NT5E: variants seen among roughly 807,000 people sequenced by gnomAD.
The protein encoded by NT5E is 5'-nucleotidase ecto, also known as 5'-nucleotidase.
Under a neutral mutation model 55.1 loss-of-function variants are expected in NT5E, and 53 were observed. The ratio of observed to expected loss-of-function variants is 0.96; its 90% CI spans 0.77 to 1.21. The LOEUF (loss-of-function observed/expected upper bound fraction) is 1.21, where lower values mean the gene tolerates loss of function less well. Ranked by LOEUF, NT5E falls within the 50% of genes most tolerant of loss-of-function variation. NT5E has a pLI of 0.00. For missense variants in NT5E, 683 were observed against 724.3 expected (o/e 0.94, Z 0.65); for synonymous variants, 270 against 278.4 (o/e 0.97, Z 0.30).
chr6:85,482,895 A>G (rs539350615), intron 3 of NT5E, among the ~76,000 whole-genome samples: 6 of 152,318 alleles, frequency 3.9e-5, no homozygotes, highest in Admixed American at 3.3e-4. Context: ...TCAGCTGTGG[A>G]GGAGGCAGAG....
intron 1 of NT5E, among the ~76,000 whole-genome samples, chr6:85,465,112 T>C (rs554710792): frequency 2.1e-4 from 32 of 152,140 alleles, no homozygotes; most frequent in Non-Finnish European, 4.0e-4. Flanking sequence ...TCCCACCACA[T>C]TGAGCACCAT....
intron 4 of NT5E, 52 bp downstream of exon 4, chr6:85,485,484 A>G (rs758309609): frequency 6.4e-7 from 1 of 1,559,090 alleles, no homozygotes; most frequent in African/African-American, 1.4e-5. Flanking sequence ...AGATGGCTGG[A>G]TATTTTGCTC....
intron 3 of NT5E, among the ~76,000 whole-genome samples, 192 bp from the exon 4 acceptor site, chr6:85,485,043 G>A (rs770568100): frequency 1.3e-5 from 2 of 152,200 alleles, no homozygotes; most frequent in Non-Finnish European, 2.9e-5. Context: ...GAGAATGGTA[G>A]GATTCATGTA....
At chr6:85,473,644 C>A (rs1434060425) in intron 3 of NT5E, among the ~76,000 whole-genome samples, 1 of 152,100 alleles carries the variant, frequency 6.6e-6, no homozygotes, top group African/African-American at 2.4e-5. Flanking sequence ...CTTGTATGTG[C>A]AAACACATAC....
In NT5E at chr6:85,490,604, AGCATAGCGT is replaced by A; in HGVS notation, c.1311_1319del (p.Ser438_His440del). The A allele has an allele frequency of 6.2e-7, 1 of 1,614,164 alleles. No individual in the cohort carries two copies. The highest frequency in any genetic ancestry group is 1.1e-5 in the South Asian group (1 of 91,086). On this transcript the variant is annotated inframe_deletion, in exon 7 of 9. Transcript: ENST00000257770. ...GGTTCCACCCTGAAGAAGGCCTTTG[AGCATAGCGT>A]GCACCGCTACGGCCAGTCCACTGGA...
chr6:85,450,330 T>C lies in NT5E; in HGVS notation c.191T>C (p.Leu64Pro). Reference protein sequence around the residue: ...ASRCMGGVARLFTKVQQIRRA... With the variant: ...ASRCMGGVARPFTKVQQIRRA... ...CGCTGCATGGGTGGCGTGGCTCGGC[T>C]CTTCACCAAGGTTCAGCAGATCCGC... The change falls in exon 1 of 9, where the codon CTC becomes CCC. Residue 64 changes from leucine (L) to proline (P), a missense_variant. Physicochemically the swap from Leu to Pro is moderately conservative, Grantham distance 98. Transcript: ENST00000257770. The surrounding 1 kb of genome is among the most constrained non-coding windows in gnomAD (Gnocchi z 4.0). The C allele has an allele frequency of 6.3e-7, 1 of 1,599,400 alleles. No individual in the cohort carries two copies. The highest frequency in any genetic ancestry group is 8.5e-7 in the Non-Finnish European group (1 of 1,174,342).
intron 2 of NT5E, among the ~76,000 whole-genome samples, chr6:85,467,577 G>C (rs143910624): frequency 6.6e-6 from 1 of 152,260 alleles, no homozygotes; most frequent in East Asian, 1.9e-4. Context: ...AAACAGTACA[G>C]TTTCATTTAC....
intron 4 of NT5E, among the ~76,000 whole-genome samples, chr6:85,487,077 C>A (rs942118046): frequency 2.6e-5 from 4 of 150,948 alleles, no homozygotes; most frequent in Non-Finnish European, 5.9e-5. Context: ...CCCAGGTGGG[C>A]CAATGGGTAG....
chr6:85,484,104 C>T (rs77149482), intron 3 of NT5E, among the ~76,000 whole-genome samples: 1,989 of 152,242 alleles, frequency 0.013, 42 homozygotes, highest in African/African-American at 0.046. Flanking sequence ...GGCTCATGGC[C>T]GATTCTCGTA....
At chr6:85,453,422 A>T (rs550127801) in intron 1 of NT5E, among the ~76,000 whole-genome samples, 4 of 152,256 alleles carry the variant, frequency 2.6e-5, no homozygotes, top group Non-Finnish European at 5.9e-5. Flanking sequence ...TGTGCATCAG[A>T]TTATCTGATT....
At chr6:85,455,744 C>T (rs999123549) in intron 1 of NT5E, among the ~76,000 whole-genome samples, 1 of 152,148 alleles carries the variant, frequency 6.6e-6, no homozygotes, top group African/African-American at 2.4e-5. Context: ...AGCCCTTAAC[C>T]TATGGGATCT....
intron 1 of NT5E, among the ~76,000 whole-genome samples, chr6:85,462,533 G>GT (rs918153165): frequency 2.8e-4 from 43 of 152,260 alleles, no homozygotes; most frequent in African/African-American, 8.9e-4. Context: ...TGTCTCTGGT[G>GT]TATCAGCTGT....
At chr6:85,474,282 A>T (rs1017221220) in intron 3 of NT5E, among the ~76,000 whole-genome samples, 1 of 152,226 alleles carries the variant, frequency 6.6e-6, no homozygotes, top group African/African-American at 2.4e-5. Context: ...AGACAAGAAA[A>T]AATATATGTT....
chr6:85,475,301 T>C (rs1769407600), intron 3 of NT5E, among the ~76,000 whole-genome samples: 1 of 152,228 alleles, frequency 6.6e-6, no homozygotes, highest in East Asian at 1.9e-4. Flanking sequence ...TTAATTTTAT[T>C]GTATTGTAGC....
At chr6:85,453,489 C>G (rs1768931215) in intron 1 of NT5E, among the ~76,000 whole-genome samples, 1 of 152,172 alleles carries the variant, frequency 6.6e-6, no homozygotes, top group Non-Finnish European at 1.5e-5. Context: ...ACCTAAGTAC[C>G]ATTGCCTAAA....
intron 3 of NT5E, among the ~76,000 whole-genome samples, chr6:85,471,991 AC>A (rs1179374715): frequency 1.3e-5 from 2 of 151,858 alleles, no homozygotes; most frequent in African/African-American, 4.8e-5. Flanking sequence ...CTACCTGACT[AC>A]CCCCACCACT....
At chr6:85,471,718 CAA>C (rs889536381) in intron 3 of NT5E, 4 of 156,052 alleles carry the variant, frequency 2.6e-5, no homozygotes, top group African/African-American at 7.2e-5. Context: ...ATATGAAAAA[CAA>C]AAAGACTATT....
At chr6:85,485,798 G>A (rs1198545588) in intron 4 of NT5E, among the ~76,000 whole-genome samples, 1 of 152,216 alleles carries the variant, frequency 6.6e-6, no homozygotes, top group African/African-American at 2.4e-5. Context: ...CCCAACTAGA[G>A]GCAGTGTGCC....
At chr6:85,483,220 C>T (rs1283040878) in intron 3 of NT5E, among the ~76,000 whole-genome samples, 1 of 152,246 alleles carries the variant, frequency 6.6e-6, no homozygotes, top group Non-Finnish European at 1.5e-5. Flanking sequence ...CTGACAGACT[C>T]CTGATATCTG....
Sources: allele counts gnomAD v4.1 joint callset (sites outside exome capture counted in the v4.1 genomes callset), GRCh38; gene constraint gnomAD v4.1.1; non-coding constraint Gnocchi (gnomAD v3.1); transcripts MANE v1.5; gene names NCBI Gene and HGNC (gene_info 2026-07-23, HGNC 2026-07-21).